Variants in DGKB observed in about 807,000 individuals in gnomAD.
DGKB encodes diacylglycerol kinase beta, also known as 90 kDa diacylglycerol kinase.
A neutral mutation model predicts 114.3 loss-of-function variants in DGKB; 67 were observed. The ratio of observed to expected loss-of-function variants is 0.59; its 90% CI spans 0.48 to 0.72. The LOEUF (loss-of-function observed/expected upper bound fraction) is 0.72. DGKB is among the 30% of genes least tolerant of loss of function. The pLI is 0.00. For synonymous variants in DGKB, 398 were observed against 323.1 expected (o/e 1.23, Z -2.49); for missense variants, 907 against 975.2 (o/e 0.93, Z 0.93).
intron 20 of DGKB, among the ~76,000 whole-genome samples, chr7:14,571,498 T>C (rs183756539): frequency 2.0e-5 from 3 of 152,294 alleles, no homozygotes; most frequent in African/African-American, 4.8e-5. Flanking sequence ...TGGCCAGAGA[T>C]TTAACAAGAG....
At chr7:14,792,760 T>G (rs1260755040) in intron 2 of DGKB, among the ~76,000 whole-genome samples, 1 of 152,130 alleles carries the variant, frequency 6.6e-6, no homozygotes, top group Non-Finnish European at 1.5e-5. Flanking sequence ...ACACCATATC[T>G]ACAGTATGAT....
chr7:14,372,930 C>G (rs1414230390), intron 21 of DGKB, among the ~76,000 whole-genome samples: 1 of 152,114 alleles, frequency 6.6e-6, no homozygotes. Context: ...TTTCCATTTT[C>G]CCCTTCTGGG....
chr7:14,607,307 A>T, intron 17 of DGKB, 127 bp downstream of exon 17: 1 of 590,344 alleles, frequency 1.7e-6, no homozygotes, highest in Non-Finnish European at 3.0e-6. Context: ...TACGTAGTTG[A>T]TATTTCATTT....
intron 16 of DGKB, among the ~76,000 whole-genome samples, chr7:14,608,934 GA>G (rs911226641): frequency 8.6e-5 from 13 of 151,556 alleles, no homozygotes; most frequent in African/African-American, 2.7e-4. Flanking sequence ...ACAAACAAAT[GA>G]AAAAAAATCC....
intron 20 of DGKB, among the ~76,000 whole-genome samples, chr7:14,542,739 C>T (rs938577753): frequency 6.6e-6 from 1 of 152,136 alleles, no homozygotes; most frequent in African/African-American, 2.4e-5. Flanking sequence ...AGATTTTTAA[C>T]CATGTGTCTC....
chr7:14,157,390 T>TC (rs1554266403), intron 25 of DGKB, among the ~76,000 whole-genome samples: 1 of 151,180 alleles, frequency 6.6e-6, no homozygotes, highest in Admixed American at 6.6e-5. Context: ...TTTTTTTTTT[T>TC]ATGATTCTAG....
chr7:14,630,282 G>A lies in DGKB; in HGVS notation c.1135-14C>T. ...AGTGGGCAGAGTCTGCTGAAAAAGA[G>A]AAGTTCATATGAAAGCTGAAAAAGA... On this transcript the variant is annotated splice_polypyrimidine_tract_variant and intron_variant, in intron 13 of 25. Coordinates refer to ENST00000402815, the MANE Select transcript of DGKB (RefSeq NM_001350709.2). The A allele has an allele frequency of 6.4e-7, 1 of 1,551,966 alleles. No homozygotes were observed. The highest frequency in any genetic ancestry group is 8.7e-7 in the Non-Finnish European group (1 of 1,148,050).
chr7:14,585,880 T>G (rs1437614014), intron 17 of DGKB, among the ~76,000 whole-genome samples: 1 of 152,172 alleles, frequency 6.6e-6, no homozygotes, highest in African/African-American at 2.4e-5. Flanking sequence ...CACGCCCATG[T>G]AAGACAGAGA....
At chr7:14,765,658 A>T (rs1836341584) in intron 2 of DGKB, among the ~76,000 whole-genome samples, 2 of 151,992 alleles carry the variant, frequency 1.3e-5, no homozygotes, top group African/African-American at 4.8e-5. Flanking sequence ...CAGCAACCCT[A>T]TCCAGACACT....
chr7:14,157,375 G>GTTTTTTTT (rs5882430), intron 25 of DGKB, among the ~76,000 whole-genome samples: 1 of 145,050 alleles, frequency 6.9e-6, no homozygotes, highest in Non-Finnish European at 1.5e-5. Context: ...CCTTTTGCCA[G>GTTTTTTTT]TTTTTTTTTT....
intron 1 of DGKB, among the ~76,000 whole-genome samples, chr7:14,939,943 T>A (rs1785481375): frequency 6.6e-6 from 1 of 152,164 alleles, no homozygotes; most frequent in South Asian, 2.1e-4. Context: ...AAAAATTTAT[T>A]TAATTTGAAT....
At chr7:14,837,221 C>A (rs1248271998) in intron 2 of DGKB, among the ~76,000 whole-genome samples, 1 of 152,084 alleles carries the variant, frequency 6.6e-6, no homozygotes. Flanking sequence ...GATACCTATC[C>A]AAGAATACTG....
At chr7:14,860,028 G>T (rs1415789641) in intron 1 of DGKB, among the ~76,000 whole-genome samples, 2 of 151,988 alleles carry the variant, frequency 1.3e-5, no homozygotes, top group African/African-American at 4.8e-5. Context: ...ATTTTTCACT[G>T]TTGAAAACAA....
intron 21 of DGKB, among the ~76,000 whole-genome samples, chr7:14,475,895 T>A (rs1157752605): frequency 2.6e-5 from 4 of 152,054 alleles, no homozygotes; most frequent in Admixed American, 6.6e-5. Flanking sequence ...ACTTAAAAAT[T>A]ATTCTGCAGA....
chr7:14,935,281 T>G (rs892402436), intron 1 of DGKB, among the ~76,000 whole-genome samples: 2 of 151,654 alleles, frequency 1.3e-5, no homozygotes, highest in Non-Finnish European at 2.9e-5. Context: ...AGAAAAACAT[T>G]TATAGCAACA....
At chr7:14,971,760 G>C (rs1787482997) in intron 1 of DGKB, among the ~76,000 whole-genome samples, 1 of 142,436 alleles carries the variant, frequency 7.0e-6, no homozygotes, top group Non-Finnish European at 1.5e-5. Flanking sequence ...GATATTGAAA[G>C]CATTTTTTTT....
chr7:14,452,438 G>T (rs756050681), intron 21 of DGKB, among the ~76,000 whole-genome samples: 5 of 151,918 alleles, frequency 3.3e-5, no homozygotes, highest in Non-Finnish European at 7.4e-5. Context: ...ATTGCAAATT[G>T]TATCATTTAG....
At chr7:14,232,868 A>G (rs565820918) in intron 23 of DGKB, among the ~76,000 whole-genome samples, 1 of 152,166 alleles carries the variant, frequency 6.6e-6, no homozygotes, top group South Asian at 2.1e-4. Flanking sequence ...TGTTTTAGTG[A>G]CAAATTCTAG....
intron 6 of DGKB, among the ~76,000 whole-genome samples, chr7:14,703,182 C>G (rs908627698): frequency 1.3e-5 from 2 of 152,152 alleles, no homozygotes; most frequent in African/African-American, 4.8e-5. Context: ...ACGGACTACT[C>G]AGAGAAATGA....
Sources: allele counts gnomAD v4.1 joint callset (sites outside exome capture counted in the v4.1 genomes callset), GRCh38; gene constraint gnomAD v4.1.1; transcripts MANE v1.5; gene names NCBI Gene and HGNC (gene_info 2026-07-23, HGNC 2026-07-21).